ANKRD35: variants seen among roughly 807,000 people sequenced by gnomAD.
ANKRD35 encodes ankyrin repeat domain-containing protein 35.
ANKRD35 carries 102 observed loss-of-function variants against 109.9 expected under a neutral mutation model. The observed-to-expected ratio is 0.93, with a 90% CI of 0.79 to 1.09. The LOEUF (loss-of-function observed/expected upper bound fraction) is 1.09, where lower values mean the gene tolerates loss of function less well. Ranked by LOEUF, ANKRD35 falls within the 50% of genes least tolerant of loss-of-function variation. The pLI, the probability that ANKRD35 is intolerant of heterozygous loss-of-function variation, is 0.00. For synonymous variants in ANKRD35, 515 were observed against 512.4 expected (o/e 1.01, Z -0.07); for missense variants, 1,240 against 1,230.1 (o/e 1.01, Z -0.12).
Position 145,876,866 on chromosome 1 carries a change from G to A in ANKRD35, c.332C>T (p.Ala111Val). The part of the protein sequence containing the change: ...QCVKVLLQHG[A>V]NEDAVDAENR... ...TTCTGCATCCACAGCATCTTCATTA[G>A]CACCATGCTGCAAATGGCCACAAAG... Residue 111 changes from alanine (A) to valine (V), a missense_variant, in exon 5 of 14, where the codon GCT (alanine) becomes GTT (valine). By Grantham distance (64) the Ala-to-Val change is moderately conservative. Coordinates refer to ENST00000355594, the MANE Select transcript of ANKRD35 (RefSeq NM_144698.5). 6.2e-7 allele frequency: 1 copy of A among 1,614,012 alleles called. No homozygotes were observed. The highest frequency in any genetic ancestry group is 8.5e-7 in the Non-Finnish European group (1 of 1,180,026).
chr1:145,881,949 C>CTTTTTTTTTTTTTTTTTTTT (rs782253954), intron 1 of ANKRD35, among the ~76,000 whole-genome samples: 2 of 104,636 alleles, frequency 1.9e-5, no homozygotes, highest in Admixed American at 1.1e-4. Flanking sequence ...CTTTCCCCTT[C>CTTTTTTTTTTTTTTTTTTTT]TTTTTTTTTT....
chr1:145,881,957 T>TC (rs1654304621), intron 1 of ANKRD35, among the ~76,000 whole-genome samples: 1 of 143,626 alleles, frequency 7.0e-6, no homozygotes, highest in Non-Finnish European at 1.5e-5. Context: ...TTCTTTTTTT[T>TC]TTTTTTTTTT....
intron 8 of ANKRD35, among the ~76,000 whole-genome samples, chr1:145,874,406 A>C (rs952692740): frequency 6.6e-6 from 1 of 152,164 alleles, no homozygotes; most frequent in African/African-American, 2.4e-5. Context: ...CACTTCATTC[A>C]TTTTGTTCGC....
chr1:145,873,173 A>AGCT lies in ANKRD35; in HGVS notation c.1593_1595dup (p.Ala533dup), dbSNP rs1553739257. ...GTCGGGCTTCCATCTTCTCCCAGGC[A>AGCT]GCTGCTGCTGCCTCAGCACGGGGAG... On this transcript the variant is annotated inframe_insertion, in exon 10 of 14. Coordinates refer to ENST00000355594, the MANE Select transcript of ANKRD35 (RefSeq NM_144698.5). 2 of 1,614,094 alleles carry AGCT rather than the reference A, an allele frequency of 1.2e-6. No homozygotes were observed. The highest frequency in any genetic ancestry group is 3.3e-5 in the Admixed American group (2 of 60,030).
At chr1:145,876,702 A>G in intron 5 of ANKRD35, 63 bp from the exon 6 acceptor site, 3 of 1,610,886 alleles carry the variant, frequency 1.9e-6, no homozygotes, top group South Asian at 1.1e-5. Flanking sequence ...CTATGACCCA[A>G]CATCCCCTCC....
intron 1 of ANKRD35, among the ~76,000 whole-genome samples, chr1:145,880,716 T>C (rs1553740965): frequency 6.6e-6 from 1 of 152,154 alleles, no homozygotes; most frequent in Non-Finnish European, 1.5e-5. Context: ...TTTCAAACAC[T>C]GTTTACGTAG....
In ANKRD35 at chr1:145,873,543, GGGGCT is replaced by G; in HGVS notation, c.1221_1225del (p.Ala408ArgfsTer6). On this transcript the variant is annotated frameshift_variant, in exon 10 of 14. Coordinates refer to ENST00000355594, the MANE Select transcript of ANKRD35 (RefSeq NM_144698.5). LOFTEE classifies it high-confidence loss of function. ...ATGGACTTCATACTGGATCTTTCCT[GGGGCT>G]GAGTCCTCAGCCTTCTTTGGAGCTA... 11 of 1,614,110 alleles carry G rather than the reference GGGGCT, an allele frequency of 6.8e-6. No homozygotes were observed. The highest frequency in any genetic ancestry group is 9.3e-6 in the Non-Finnish European group (11 of 1,180,026).
At chr1:145,883,170 C>G (rs150821442) in intron 1 of ANKRD35, among the ~76,000 whole-genome samples, 2 of 150,940 alleles carry the variant, frequency 1.3e-5, no homozygotes, top group South Asian at 4.2e-4. Flanking sequence ...CTGCAACCTC[C>G]GCCTCCCGGG....
At position 145,873,570 on chromosome 1, in the gene ANKRD35, G is replaced by C. The variant is rs782348224; in HGVS notation, c.1199C>G (p.Ala400Gly). The C allele has an allele frequency of 6.2e-7, 1 of 1,614,090 alleles. No individual in the cohort carries two copies. The change falls in exon 10 of 14, where the codon GCT becomes GGT. Residue 400 changes from alanine to glycine, a missense_variant. Transcript: ENST00000355594. ...GGCTGAGTCCTCAGCCTTCTTTGGA[G>C]CTAATACTGGATTTACTGTGGCTGC... ...QAAATVNPVLAPKKAEDSAPG... is the reference protein window; with the variant it reads ...QAAATVNPVLGPKKAEDSAPG...
chr1:145,877,502 A>G (rs1174989317), intron 4 of ANKRD35, among the ~76,000 whole-genome samples: 1 of 152,166 alleles, frequency 6.6e-6, no homozygotes, highest in East Asian at 1.9e-4. Flanking sequence ...AAAGTCTGGG[A>G]TTACAGGCAT....
At chr1:145,883,052 T>C (rs1654350287) in intron 1 of ANKRD35, among the ~76,000 whole-genome samples, 1 of 151,386 alleles carries the variant, frequency 6.6e-6, no homozygotes, top group Non-Finnish European at 1.5e-5. Context: ...ATTCTCAACG[T>C]TGTAATTGCA....
intron 1 of ANKRD35, among the ~76,000 whole-genome samples, chr1:145,881,011 T>G (rs1654266345): frequency 6.6e-6 from 1 of 152,080 alleles, no homozygotes; most frequent in African/African-American, 2.4e-5. Flanking sequence ...CATGGCTGGG[T>G]GCGGTGGTTC....
intron 4 of ANKRD35, among the ~76,000 whole-genome samples, chr1:145,877,292 G>T: frequency 6.6e-6 from 1 of 151,288 alleles, no homozygotes; most frequent in South Asian, 2.1e-4. Context: ...GAGTGCAGTG[G>T]TGCGATCTTG....
chr1:145,884,407 C>T (rs977159173), intron 1 of ANKRD35, among the ~76,000 whole-genome samples: 1 of 152,164 alleles, frequency 6.6e-6, no homozygotes, highest in Non-Finnish European at 1.5e-5. Flanking sequence ...TGTAACCTGC[C>T]CATGCAGAAT....
rs1570798984 is a variant in ANKRD35, at chr1:145,873,448, C to T, written c.1321G>A (p.Gly441Arg). 2 of 1,614,068 alleles carry T rather than the reference C, an allele frequency of 1.2e-6. No individual in the cohort carries two copies. Among genetic ancestry groups the T allele is most frequent in the East Asian group, 4.5e-5 (2 of 44,880 alleles). ...GCCCCATTGGTAGTCAGTTGCTGTC[C>T]TGTGGCTTTCCTGATGGTCTCAGAC... ...PASETIRKAT[G>R]QQLTTNGAQT... The change falls in exon 10 of 14, where the codon GGA (glycine) becomes AGA (arginine). Residue 441 changes from glycine (G) to arginine (R), a missense_variant. Gly to Arg is a moderately radical substitution (Grantham distance 125, BLOSUM62 -2). Coordinates refer to ENST00000355594, the MANE Select transcript of ANKRD35 (RefSeq NM_144698.5).
chr1:145,875,125 A>G, intron 7 of ANKRD35, 119 bp from the exon 8 acceptor site: 1 of 985,516 alleles, frequency 1.0e-6, no homozygotes, highest in Non-Finnish European at 1.5e-6. Context: ...ACAACAGACC[A>G]ACATTAGACC....
rs201831600 is a variant in ANKRD35, at chr1:145,876,172, G to A, written c.528C>T (p.Gly176=). 1.7e-5 allele frequency: 28 copies of A among 1,613,962 alleles called. No homozygotes were observed. The highest frequency in any genetic ancestry group is 1.3e-4 in the East Asian group (6 of 44,882). ...TCTTGTCTGTAACATTAACTCGGGC[G>A]CCTCGCTGCAGCAGCTGTGAGCAGA... ...AAICSQLLQR[G]ARVNVTDKND... is the part of the protein sequence containing the mutation. The change falls in exon 7 of 14, where the codon GGC becomes GGT. Residue 176 remains glycine (G), a synonymous_variant. Coordinates refer to ENST00000355594, the MANE Select transcript of ANKRD35 (RefSeq NM_144698.5).
In ANKRD35 at chr1:145,877,963, C is replaced by G. The variant is rs371847932; in HGVS notation, c.324+5G>C. 97 of 1,613,746 alleles carry G rather than the reference C, an allele frequency of 6.0e-5. No individual in the cohort carries two copies. The highest frequency in any genetic ancestry group is 7.9e-5 in the Non-Finnish European group (93 of 1,179,826). Reference sequence around the variant, plus strand: ...ATAAGAGTGGTATCAAGGGACTGCTCTTACCTGAAGCAGAACCTTAACACA... The same window carrying G: ...ATAAGAGTGGTATCAAGGGACTGCTGTTACCTGAAGCAGAACCTTAACACA... On this transcript the variant is annotated splice_donor_5th_base_variant and intron_variant, in intron 4 of 13. Transcript: ENST00000355594.
chr1:145,884,094 G>A (rs145534850), intron 1 of ANKRD35, among the ~76,000 whole-genome samples: 1 of 152,284 alleles, frequency 6.6e-6, no homozygotes, highest in Non-Finnish European at 1.5e-5. Flanking sequence ...CAAGGATTGG[G>A]GGATCAGAAA....
Sources: allele counts gnomAD v4.1 joint callset (sites outside exome capture counted in the v4.1 genomes callset), GRCh38; gene constraint gnomAD v4.1.1; transcripts MANE v1.5; gene names NCBI Gene and HGNC (gene_info 2026-07-23, HGNC 2026-07-21).